Variants in PTPRT observed in about 807,000 individuals in gnomAD.
The protein encoded by PTPRT is receptor-type tyrosine-protein phosphatase T.
Under a neutral mutation model 176.8 loss-of-function variants are expected in PTPRT, and 56 were observed. The observed-to-expected ratio is 0.32, with a 90% CI of 0.26 to 0.40. The LOEUF (loss-of-function observed/expected upper bound fraction) is 0.40, where lower values mean the gene tolerates loss of function less well. Among genes scored for constraint, PTPRT ranks in the 10% least tolerant of loss-of-function variants. The pLI is 1.00. For missense variants in PTPRT, 1,540 were observed against 1,908.2 expected, an observed-to-expected ratio of 0.81 and a Z score of 3.60; for synonymous variants, 783 against 739.0, an observed-to-expected ratio of 1.06 and a Z score of -0.96.
intron 9 of PTPRT, among the ~76,000 whole-genome samples, chr20:42,400,666 G>A (rs1485811032): frequency 1.3e-5 from 2 of 152,094 alleles, no homozygotes; most frequent in African/African-American, 4.8e-5. Context: ...GGAAGCTCAT[G>A]GTGTATTGAG....
intron 7 of PTPRT, among the ~76,000 whole-genome samples, chr20:42,474,595 T>C (rs1248571965): frequency 6.6e-6 from 1 of 152,134 alleles, no homozygotes; most frequent in Non-Finnish European, 1.5e-5. Context: ...GAATGTGACA[T>C]TGAACAAGCT....
chr20:43,166,669 C>A (rs771931369), intron 1 of PTPRT, among the ~76,000 whole-genome samples: 1 of 152,128 alleles, frequency 6.6e-6, no homozygotes, highest in African/African-American at 2.4e-5. Flanking sequence ...ATTTTCTACT[C>A]ATTTTTATAA....
intron 16 of PTPRT, among the ~76,000 whole-genome samples, chr20:42,177,731 C>G (rs1990350072): frequency 6.6e-6 from 1 of 152,034 alleles, no homozygotes; most frequent in Non-Finnish European, 1.5e-5. Context: ...ACTGTTATAA[C>G]CATTTTATGG....
chr20:43,136,770 A>C (rs1379531320), intron 1 of PTPRT, among the ~76,000 whole-genome samples: 2 of 152,220 alleles, frequency 1.3e-5, no homozygotes, highest in Non-Finnish European at 2.9e-5. Flanking sequence ...AATAAAATGA[A>C]TTAATTTTCA....
intron 7 of PTPRT, among the ~76,000 whole-genome samples, chr20:42,500,524 G>A (rs2071733698): frequency 6.6e-6 from 1 of 151,968 alleles, no homozygotes; most frequent in Non-Finnish European, 1.5e-5. Flanking sequence ...CATGCCACAT[G>A]TGACTAGTAT....
the PTPRT span, among the ~76,000 whole-genome samples, chr20:42,040,924 T>G: frequency 6.6e-6 from 1 of 152,306 alleles, no homozygotes; most frequent in East Asian, 1.9e-4. Context: ...GGAAGGATTT[T>G]CAGTATCATA....
intron 1 of PTPRT, among the ~76,000 whole-genome samples, chr20:43,055,323 A>T (rs1326574569): frequency 6.6e-6 from 1 of 152,232 alleles, no homozygotes; most frequent in Non-Finnish European, 1.5e-5. Context: ...TTGGAAGCAC[A>T]TAAGTTTAGC....
rs373191879 is a variant in PTPRT, at chr20:42,161,530, C to G, written c.2504G>C (p.Arg835Pro). ...GAGGGTGGGCTGGGAAAGCTCCCCG[C>G]GGCTGCCATCTGCTTCGAAAAGAAG... ...QDVNGFTDGS[R>P]GELSQPTLTI... The change falls in exon 17 of 31, where the codon CGC becomes CCC. Residue 835 changes from arginine (R) to proline (P), a missense_variant. This residue lies in a region of PTPRT where 255 missense variants were observed against 250.1 expected (regional missense o/e 1.02). Transcript: ENST00000373187. The G allele has an allele frequency of 6.2e-7, 1 of 1,607,898 alleles. No homozygotes were observed. The highest frequency in any genetic ancestry group is 1.1e-5 in the South Asian group (1 of 89,944).
At chr20:43,095,701 CTCTCTG>C (rs1218538640) in intron 1 of PTPRT, among the ~76,000 whole-genome samples, 1 of 147,682 alleles carries the variant, frequency 6.8e-6, no homozygotes, top group African/African-American at 2.6e-5. Flanking sequence ...CCTGCTTCCT[CTCTCTG>C]TCTCTGTTTC....
chr20:42,178,998 C>T (rs112041032), intron 16 of PTPRT, among the ~76,000 whole-genome samples: 4,405 of 152,178 alleles, frequency 0.029, 214 homozygotes, highest in African/African-American at 0.099. Flanking sequence ...TTTATCATAT[C>T]CTATTCATTG....
chr20:42,938,220 A>G (rs185826507), intron 1 of PTPRT, among the ~76,000 whole-genome samples: 1 of 152,334 alleles, frequency 6.6e-6, no homozygotes, highest in African/African-American at 2.4e-5. Flanking sequence ...TTGAACCTCT[A>G]CTGGACAGGA....
chr20:42,713,957 C>A (rs2076184586), intron 6 of PTPRT, among the ~76,000 whole-genome samples: 1 of 152,166 alleles, frequency 6.6e-6, no homozygotes, highest in Non-Finnish European at 1.5e-5. Flanking sequence ...GTATAACCTG[C>A]AGAACCATGA....
At chr20:42,385,654 G>T (rs1335349460) in intron 9 of PTPRT, among the ~76,000 whole-genome samples, 1 of 152,208 alleles carries the variant, frequency 6.6e-6, no homozygotes, top group African/African-American at 2.4e-5. Context: ...TGGACTCACA[G>T]TTCCACATGG....
At chr20:42,516,262 T>C (rs1243602120) in intron 7 of PTPRT, among the ~76,000 whole-genome samples, 3 of 149,636 alleles carry the variant, frequency 2.0e-5, no homozygotes, top group African/African-American at 7.4e-5. Flanking sequence ...AATAAAAAAA[T>C]AAATTAAAAA....
chr20:43,129,613 C>CTTTTTTTT (rs869293740), intron 1 of PTPRT, among the ~76,000 whole-genome samples: 13 of 87,272 alleles, frequency 1.5e-4, no homozygotes, highest in Admixed American at 1.7e-4. Context: ...CCAAAGAGTT[C>CTTTTTTTT]TTTTTTTTTT....
chr20:43,018,493 G>A (rs1600651389), intron 1 of PTPRT, among the ~76,000 whole-genome samples: 2 of 152,292 alleles, frequency 1.3e-5, no homozygotes, highest in East Asian at 3.9e-4. Context: ...ACAAGAAAAG[G>A]TTGACTGATT....
intron 6 of PTPRT, among the ~76,000 whole-genome samples, chr20:42,725,440 T>C (rs1255024548): frequency 6.6e-6 from 1 of 151,878 alleles, no homozygotes; most frequent in African/African-American, 2.4e-5. Context: ...GTATATGAGG[T>C]AGACAAACAC....
chr20:42,359,135 G>A (rs2058397409), intron 9 of PTPRT, among the ~76,000 whole-genome samples: 1 of 152,120 alleles, frequency 6.6e-6, no homozygotes, highest in African/African-American at 2.4e-5. Flanking sequence ...CGGGGCTGAG[G>A]CCCAGCACTC....
intron 11 of PTPRT, among the ~76,000 whole-genome samples, chr20:42,320,445 T>C (rs2057784288): frequency 6.6e-6 from 1 of 152,202 alleles, no homozygotes; most frequent in Admixed American, 6.5e-5. Context: ...AGGTGTATCC[T>C]TTCAGAAAGT....
Sources: allele counts gnomAD v4.1 joint callset (sites outside exome capture counted in the v4.1 genomes callset), GRCh38; gene constraint gnomAD v4.1.1; regional missense constraint gnomAD v4.1.1; transcripts MANE v1.5; gene names NCBI Gene and HGNC (gene_info 2026-07-23, HGNC 2026-07-21).